The following LRRC7 variants were observed in gnomAD, a reference collection of about 807,000 sequenced individuals.
The protein encoded by LRRC7 is leucine-rich repeat-containing protein 7.
Under a neutral mutation model 175.7 loss-of-function variants are expected in LRRC7, and 23 were observed. The observed-to-expected ratio is 0.13, with a 90% CI of 0.09 to 0.19. The LOEUF (loss-of-function observed/expected upper bound fraction) is 0.19, where lower values mean the gene tolerates loss of function less well. Ranked by LOEUF, LRRC7 falls within the 10% of genes least tolerant of loss-of-function variation. LRRC7 has a pLI of 1.00. For missense variants in LRRC7, 1,354 were observed against 1,904.7 expected, an observed-to-expected ratio of 0.71 and a Z score of 5.38; for synonymous variants, 685 against 680.9, an observed-to-expected ratio of 1.01 and a Z score of -0.09.
At chr1:69,781,924 G>GAAAGAAAGAAAGAAAA (rs1553155324) in intron 3 of LRRC7, among the ~76,000 whole-genome samples, 2 of 139,352 alleles carry the variant, frequency 1.4e-5, no homozygotes, top group Non-Finnish European at 3.1e-5. Context: ...AAGAAAGAAA[G>GAAAGAAAGAAAGAAAA]AAAGAAAGAA....
At chr1:69,602,826 A>G (rs1647133443) in intron 1 of LRRC7, among the ~76,000 whole-genome samples, 1 of 152,168 alleles carries the variant, frequency 6.6e-6, no homozygotes. Flanking sequence ...AGATTATAAT[A>G]CCTTATTCTT....
At chr1:69,937,921 TTGA>T (rs1648217717) in intron 8 of LRRC7, among the ~76,000 whole-genome samples, 1 of 152,090 alleles carries the variant, frequency 6.6e-6, no homozygotes, top group East Asian at 1.9e-4. Flanking sequence ...ACTTGGAGAC[TTGA>T]TGATGAGGTC....
intron 3 of LRRC7, among the ~76,000 whole-genome samples, chr1:69,778,528 C>T (rs539771672): frequency 3.3e-5 from 5 of 152,264 alleles, no homozygotes; most frequent in South Asian, 4.1e-4. Context: ...GACAACCAAT[C>T]CTGCTTTGCT....
At chr1:69,706,161 A>C (rs1740904) in intron 2 of LRRC7, among the ~76,000 whole-genome samples, 103,472 of 151,966 alleles carry the variant, frequency 0.68, 36,048 homozygotes, top group African/African-American at 0.83. Context: ...CATCTACACA[A>C]CCTTAGCAAA....
At chr1:70,071,253 T>C (rs952319732) in intron 23 of LRRC7, among the ~76,000 whole-genome samples, 1 of 152,196 alleles carries the variant, frequency 6.6e-6, no homozygotes, top group African/African-American at 2.4e-5. Context: ...GTCTGTGATA[T>C]ATGACACAAA....
intron 1 of LRRC7, among the ~76,000 whole-genome samples, chr1:69,608,926 TTA>T (rs1262426972): frequency 2.9e-5 from 3 of 102,470 alleles, no homozygotes; most frequent in African/African-American, 1.0e-4. Flanking sequence ...ATATATAAAA[TTA>T]TATATATATA....
intron 8 of LRRC7, among the ~76,000 whole-genome samples, chr1:69,940,355 C>T (rs993785870): frequency 6.6e-6 from 1 of 152,030 alleles, no homozygotes; most frequent in African/African-American, 2.4e-5. Flanking sequence ...GCTTTTCCCT[C>T]GTTGCCGTTT....
In LRRC7 at chr1:69,809,647, C is replaced by T. The variant is rs146938131; in HGVS notation, c.422-16101C>T. On this transcript the variant is annotated intron_variant, in intron 4 of 26. Coordinates refer to ENST00000651989, the MANE Select transcript of LRRC7 (RefSeq NM_001370785.2). ...ACGCAAATCAGCAAATGTAATCCAT[C>T]GCATAAACAGAACCAATGACAAAAA... Among the ~76,000 whole-genome samples the T allele has an allele frequency of 3.3e-3, 502 of 152,236 alleles. 5 individuals are homozygous for T. Among genetic ancestry groups the T allele is most frequent in the African/African-American group, 0.011 (438 of 41,528 alleles).
chr1:69,897,886 T>A (rs577602945), intron 7 of LRRC7, among the ~76,000 whole-genome samples: 7 of 152,204 alleles, frequency 4.6e-5, no homozygotes, highest in Admixed American at 1.3e-4. Flanking sequence ...CAAATGGGAG[T>A]TGAAAGAGAG....
intron 23 of LRRC7, among the ~76,000 whole-genome samples, chr1:70,053,547 GAAC>G (rs1445151243): frequency 1.4e-4 from 21 of 152,076 alleles, no homozygotes; most frequent in African/African-American, 4.3e-4. Flanking sequence ...AGCAAACAGT[GAAC>G]AACTATATGT....
intron 23 of LRRC7, among the ~76,000 whole-genome samples, chr1:70,060,269 A>T (rs1661476002): frequency 6.6e-6 from 1 of 152,120 alleles, no homozygotes; most frequent in Non-Finnish European, 1.5e-5. Flanking sequence ...GGTTGCAGTG[A>T]GCAGAGATCA....
At chr1:69,669,807 A>T (rs184584943) in intron 1 of LRRC7, among the ~76,000 whole-genome samples, 1 of 152,054 alleles carries the variant, frequency 6.6e-6, no homozygotes, top group East Asian at 1.9e-4. Context: ...GGCTGTTTTC[A>T]TGCTGACTAA....
At chr1:69,747,988 AG>A (rs992922930) in intron 2 of LRRC7, among the ~76,000 whole-genome samples, 1 of 152,104 alleles carries the variant, frequency 6.6e-6, no homozygotes, top group Non-Finnish European at 1.5e-5. Flanking sequence ...TTTCACCCTG[AG>A]GGGGACATTA....
At chr1:69,880,489 G>A (rs777532205) in intron 7 of LRRC7, among the ~76,000 whole-genome samples, 2 of 152,130 alleles carry the variant, frequency 1.3e-5, no homozygotes, top group African/African-American at 4.8e-5. Flanking sequence ...CCAGTAAGAA[G>A]TGCTGTGAGC....
At position 70,012,465 on chromosome 1, in the gene LRRC7, T is replaced by C. The variant is rs563627033; in HGVS notation, c.1135-509T>C. On this transcript the variant is annotated intron_variant, in intron 12 of 26. Coordinates refer to ENST00000651989, the MANE Select transcript of LRRC7 (RefSeq NM_001370785.2). The stretch of plus-strand genomic sequence containing the variant: ...TGCTGTATGTGAAGTACATTTTCAA[T>C]TGAGCATTTTCTACTAAACATTCTT... 2.1e-4 allele frequency among the ~76,000 whole-genome samples: 32 copies of C among 152,026 alleles called. No homozygotes were observed. The South Asian group carries it at 6.2e-3, about 30-fold the overall frequency.
intron 2 of LRRC7, among the ~76,000 whole-genome samples, chr1:69,712,984 G>A (rs1309721132): frequency 6.6e-6 from 1 of 152,082 alleles, no homozygotes; most frequent in Non-Finnish European, 1.5e-5. Flanking sequence ...TGTATTGAAT[G>A]GCGAATCTCC....
chr1:70,134,122 ACAAT>A lies in LRRC7; in HGVS notation c.*12238_*12241del, dbSNP rs1315307824. ...GTGTATGAGTAATCAGCATAATATG[ACAAT>A]CAGATTTTATTTTATTATGAAGTGA... On this transcript the variant is annotated 3_prime_UTR_variant, in exon 27 of 27. Transcript: ENST00000651989. Among the ~76,000 whole-genome samples, 1 of 152,214 alleles carries A rather than the reference ACAAT, an allele frequency of 6.6e-6. No individual in the cohort carries two copies. Among genetic ancestry groups the A allele is most frequent in the African/African-American group, 2.4e-5 (1 of 41,450 alleles).
chr1:69,586,754 A>T (rs1375525560), intron 1 of LRRC7, among the ~76,000 whole-genome samples: 1 of 152,176 alleles, frequency 6.6e-6, no homozygotes, highest in Admixed American at 6.5e-5. Context: ...AGTTTATTCT[A>T]GGCATTTTGA....
intron 1 of LRRC7, among the ~76,000 whole-genome samples, chr1:69,581,646 C>T (rs1646205837): frequency 6.6e-6 from 1 of 151,916 alleles, no homozygotes; most frequent in Non-Finnish European, 1.5e-5. Context: ...TATAAAATTA[C>T]TGGAAATGAA....
Sources: gnomAD v4.1 joint callset for allele counts (sites outside exome capture counted in the v4.1 genomes callset) on GRCh38, gnomAD v4.1.1 for gene constraint, MANE v1.5 for transcripts, NCBI Gene and HGNC (gene_info 2026-07-23, HGNC 2026-07-21) for gene names.